The following ATPAF1 variants were observed in gnomAD, a reference collection of about 807,000 sequenced individuals.
ATPAF1 encodes homolog of yeast ATP11.
A neutral mutation model predicts 43.9 loss-of-function variants in ATPAF1; 26 were observed. That is an observed-to-expected ratio of 0.59 (90% CI 0.43 to 0.82). The LOEUF is 0.82. Among genes scored for constraint, ATPAF1 ranks in the 40% least tolerant of loss-of-function variants. The pLI is 0.00. For synonymous variants in ATPAF1, 157 were observed against 168.0 expected (o/e 0.93, Z 0.50); for missense variants, 366 against 435.0 (o/e 0.84, Z 1.41).
chr1:46,661,703 T>A (rs376530750), intron 2 of ATPAF1, among the ~76,000 whole-genome samples: 17 of 152,034 alleles, frequency 1.1e-4, no homozygotes, highest in East Asian at 7.7e-4. Context: ...GGATGTTGAG[T>A]CCCATGTGGT....
At chr1:46,663,398 A>G (rs1291578377) in intron 2 of ATPAF1, among the ~76,000 whole-genome samples, 1 of 152,232 alleles carries the variant, frequency 6.6e-6, no homozygotes, top group Non-Finnish European at 1.5e-5. Context: ...CAGTCCCACC[A>G]ACAGTGTAAA....
At chr1:46,655,129 T>C (rs1676245967) in intron 4 of ATPAF1, among the ~76,000 whole-genome samples, 1 of 152,170 alleles carries the variant, frequency 6.6e-6, no homozygotes, top group Admixed American at 6.5e-5. Flanking sequence ...CTCATTATCA[T>C]GGGAACAGCA....
At chr1:46,645,056 G>A in intron 7 of ATPAF1, 105 bp downstream of exon 7, 1 of 840,812 alleles carries the variant, frequency 1.2e-6, no homozygotes, top group Non-Finnish European at 1.9e-6. Context: ...AATAATAAAT[G>A]CTGGGAGTAA....
chr1:46,635,378 G>C (rs1320244847), exon 9 of ATPAF1: 6 of 175,286 alleles, frequency 3.4e-5, no homozygotes, highest in Non-Finnish European at 7.4e-5. Flanking sequence ...AACTACAGCA[G>C]GTCTTCAAGC....
At position 46,658,112 on chromosome 1, in the gene ATPAF1, A is replaced by AT. The variant is rs745961289; in HGVS notation, c.489+14dup. ...ACATTTTCATAGAGTAGGCCAGCCC[A>AT]TTTCCATTCATTACCTGTTTTATTT... On this transcript the variant is annotated intron_variant, in intron 4 of 8. Transcript: ENST00000574428. 1.2e-6 allele frequency: 2 copies of AT among 1,607,286 alleles called. No homozygotes were observed. The highest frequency in any genetic ancestry group is 2.7e-5 in the African/African-American group (2 of 74,498).
At chr1:46,646,000 C>T (rs1676036848) in intron 6 of ATPAF1, among the ~76,000 whole-genome samples, 2 of 152,054 alleles carry the variant, frequency 1.3e-5, no homozygotes, top group South Asian at 4.1e-4. Context: ...TACAGTGAGA[C>T]CCCGTCACTA....
downstream of ATPAF1, chr1:46,633,897 G>A (rs1675792420): frequency 2.2e-6 from 1 of 452,284 alleles, no homozygotes; most frequent in South Asian, 1.6e-5. Flanking sequence ...AAATTCTTGG[G>A]ACCCAAAACA....
chr1:46,652,390 T>C, intron 6 of ATPAF1, 191 bp downstream of exon 6: 1 of 549,048 alleles, frequency 1.8e-6, no homozygotes, highest in Admixed American at 3.3e-5. Context: ...ATTAGTACAA[T>C]CAACGTGTGA....
chr1:46,633,528 C>T, downstream of ATPAF1: 2 of 351,962 alleles, frequency 5.7e-6, no homozygotes, highest in Non-Finnish European at 5.4e-6. Context: ...AAAGCCTGTC[C>T]ACTTTCTATA....
chr1:46,659,979 C>CT lies in ATPAF1; in HGVS notation c.376-1243dup, dbSNP rs202122351. ...GGAGTTAATTTCATTTTCTTTCTTTCTTTTTTTTTTTTTTTGAGACAGGGT... is the reference window on the plus strand; with the variant it reads ...GGAGTTAATTTCATTTTCTTTCTTTCTTTTTTTTTTTTTTTTGAGACAGGGT... On this transcript the variant is annotated intron_variant, in intron 2 of 8. Transcript: ENST00000574428. 7.4e-3 allele frequency among the ~76,000 whole-genome samples: 1,043 copies of CT among 141,398 alleles called. 11 individuals are homozygous for CT. The highest frequency in any genetic ancestry group is 0.035 in the East Asian group (173 of 4,932). 92.8% of individuals were successfully genotyped at this position (141,398 alleles called of 152,430 possible). A position where few individuals can be genotyped will look rare whatever the true frequency, so the allele number is the denominator to read the frequency against.
chr1:46,664,563 C>A (rs1676454765), intron 2 of ATPAF1: 1 of 152,332 alleles, frequency 6.6e-6, no homozygotes, highest in Non-Finnish European at 1.5e-5. Context: ...GGGCATAGTA[C>A]CTTGCTGTCT....
At chr1:46,635,782 C>T in exon 9 of ATPAF1, 1 of 1,613,606 alleles carries the variant, frequency 6.2e-7, no homozygotes. Context: ...AGTTCTAAGT[C>T]TTATTTTGGT....
chr1:46,635,698 C>G, exon 9 of ATPAF1: 2 of 1,403,572 alleles, frequency 1.4e-6, no homozygotes, highest in South Asian at 2.7e-5. Flanking sequence ...ATGCTGAGCT[C>G]TTGAGTTCCT....
At chr1:46,663,601 G>A (rs561783113) in intron 2 of ATPAF1, among the ~76,000 whole-genome samples, 1 of 150,830 alleles carries the variant, frequency 6.6e-6, no homozygotes, top group Non-Finnish European at 1.5e-5. Context: ...GTGTCTGTTC[G>A]TATCCTTTGT....
chr1:46,660,064 C>T (rs1291149150), intron 2 of ATPAF1, among the ~76,000 whole-genome samples: 1 of 151,656 alleles, frequency 6.6e-6, no homozygotes, highest in African/African-American at 2.4e-5. Flanking sequence ...GCAACCTCTG[C>T]CTCCCAGGTT....
chr1:46,653,699 T>A lies in ATPAF1; in HGVS notation c.540+118A>T, dbSNP rs181643011. 1 of 901,384 alleles carries A rather than the reference T, an allele frequency of 1.1e-6. No homozygotes were observed. The highest frequency in any genetic ancestry group is 1.7e-6 in the Non-Finnish European group (1 of 591,954). The allele number at this position is 901,384 out of a possible 1,614,324, so 55.8% of individuals were successfully genotyped here. A position where few individuals can be genotyped will look rare whatever the true frequency, so the allele number is the denominator to read the frequency against. ...GGCATAATAAAAACTCTCAGGGCTG[T>A]AAAATGCAGCTTCTCAAGAGGCAAT... On this transcript the variant is annotated intron_variant, in intron 5 of 8. Coordinates refer to ENST00000574428, the Ensembl canonical transcript of ATPAF1. The surrounding 1 kb of genome is among the most constrained non-coding windows in gnomAD (Gnocchi z 4.8).
chr1:46,645,190 G>A (rs146838484), exon 7 of ATPAF1: 49 of 1,613,792 alleles, frequency 3.0e-5, no homozygotes, highest in South Asian at 6.6e-5. Flanking sequence ...GTGAAGTGGA[G>A]TTCAGTACCT....
intron 2 of ATPAF1, among the ~76,000 whole-genome samples, chr1:46,662,111 G>T (rs544331490): frequency 4.0e-5 from 6 of 151,786 alleles, no homozygotes; most frequent in Non-Finnish European, 8.8e-5. Flanking sequence ...AGCCAGGATG[G>T]TCTCAATCTC....
downstream of ATPAF1, chr1:46,633,824 C>A (rs942346389): frequency 8.8e-6 from 4 of 456,054 alleles, no homozygotes; most frequent in African/African-American, 6.0e-5. Flanking sequence ...AATAACTGGG[C>A]CCATCTGGAA....
Sources: allele counts gnomAD v4.1 joint callset (sites outside exome capture counted in the v4.1 genomes callset), GRCh38; gene constraint gnomAD v4.1.1; non-coding constraint Gnocchi (gnomAD v3.1); transcripts MANE v1.5; gene names NCBI Gene and HGNC (gene_info 2026-07-23, HGNC 2026-07-21).